Variants in EXOC4 observed in about 807,000 individuals in gnomAD.
EXOC4 encodes the protein exocyst complex component 4, also known as SEC8-like 1.
In EXOC4, 71 loss-of-function variants were observed where a neutral mutation model predicts 107.2. That is an observed-to-expected ratio of 0.66 (90% CI 0.55 to 0.81). EXOC4 has a LOEUF of 0.81. EXOC4 is among the 30% of genes least tolerant of loss of function. The pLI is 0.00. For missense variants in EXOC4, 1,108 were observed against 1,189.6 expected, an observed-to-expected ratio of 0.93 and a Z score of 1.01; for synonymous variants, 456 against 441.2, an observed-to-expected ratio of 1.03 and a Z score of -0.42.
At chr7:133,904,810 C>G (rs1357344394) in intron 12 of EXOC4, among the ~76,000 whole-genome samples, 1 of 152,174 alleles carries the variant, frequency 6.6e-6, no homozygotes, top group African/African-American at 2.4e-5. Flanking sequence ...TCAGCGTATT[C>G]AGGTTTCTGG....
chr7:134,091,238 A>G, the EXOC4 span, among the ~76,000 whole-genome samples: 1 of 152,216 alleles, frequency 6.6e-6, no homozygotes, highest in Non-Finnish European at 1.5e-5. Flanking sequence ...AGCAGCCACA[A>G]GGGCTGCTGG....
chr7:133,669,477 A>G (rs913586839), intron 10 of EXOC4, among the ~76,000 whole-genome samples: 9 of 152,226 alleles, frequency 5.9e-5, no homozygotes, highest in Admixed American at 6.5e-5. Context: ...TGGAATCAGA[A>G]TTTCTGATTT....
At chr7:133,699,993 AT>A (rs1794621835) in intron 10 of EXOC4, among the ~76,000 whole-genome samples, 1 of 152,144 alleles carries the variant, frequency 6.6e-6, no homozygotes, top group Admixed American at 6.5e-5. Context: ...TGTCCCTTAG[AT>A]TTAGTCTGAC....
chr7:133,376,088 C>A (rs1046740845), intron 7 of EXOC4, among the ~76,000 whole-genome samples: 3 of 151,928 alleles, frequency 2.0e-5, no homozygotes, highest in African/African-American at 7.3e-5. Context: ...AAAAGTAAAT[C>A]ATGAATGTAA....
chr7:133,492,392 TTAGA>T (rs1279087010), intron 9 of EXOC4, among the ~76,000 whole-genome samples: 7 of 152,162 alleles, frequency 4.6e-5, no homozygotes, highest in South Asian at 4.1e-4. Flanking sequence ...TTATGGAGTG[TTAGA>T]TAGGGGTAAA....
intron 17 of EXOC4, among the ~76,000 whole-genome samples, chr7:134,042,970 G>A (rs1394361087): frequency 2.0e-5 from 3 of 152,216 alleles, no homozygotes; most frequent in Non-Finnish European, 2.9e-5. Flanking sequence ...GAGCCCGGGA[G>A]GTGGAGGTTG....
intron 14 of EXOC4, among the ~76,000 whole-genome samples, chr7:133,987,181 C>T (rs970703301): frequency 6.6e-6 from 1 of 152,038 alleles, no homozygotes; most frequent in East Asian, 1.9e-4. Context: ...TATTTTGGGG[C>T]TGGGCAAGGT....
intron 13 of EXOC4, among the ~76,000 whole-genome samples, chr7:133,931,554 G>A (rs1037478816): frequency 3.9e-5 from 6 of 152,192 alleles, no homozygotes; most frequent in African/African-American, 2.4e-5. Context: ...TATGCTGCTA[G>A]GAAAGAAAAA....
chr7:133,860,325 T>G (rs1012169392), intron 11 of EXOC4, among the ~76,000 whole-genome samples: 3 of 152,330 alleles, frequency 2.0e-5, no homozygotes, highest in African/African-American at 7.2e-5. Context: ...CGCCTCGTTT[T>G]CCACAGCATT....
intron 1 of EXOC4, among the ~76,000 whole-genome samples, chr7:133,267,202 A>G (rs759518896): frequency 6.2e-4 from 94 of 152,340 alleles, no homozygotes; most frequent in Non-Finnish European, 1.3e-3. Context: ...TCACAATTAA[A>G]TACTGGTTGA....
At chr7:133,423,299 GAGA>G (rs1375353648) in intron 7 of EXOC4, among the ~76,000 whole-genome samples, 1 of 152,122 alleles carries the variant, frequency 6.6e-6, no homozygotes, top group Non-Finnish European at 1.5e-5. Flanking sequence ...GTTTCTTTGT[GAGA>G]ATTCTTCTAG....
intron 9 of EXOC4, among the ~76,000 whole-genome samples, chr7:133,507,698 G>A (rs1799691503): frequency 6.6e-6 from 1 of 152,174 alleles, no homozygotes. Context: ...AGCATGACCA[G>A]TTGACTTTTT....
chr7:134,024,408 G>A (rs757561311), intron 17 of EXOC4, among the ~76,000 whole-genome samples: 17 of 150,918 alleles, frequency 1.1e-4, no homozygotes, highest in South Asian at 4.2e-4. Context: ...CCGAGATCGC[G>A]CCACTGCACT....
chr7:133,412,565 G>A (rs1481570286), intron 7 of EXOC4, among the ~76,000 whole-genome samples: 1 of 151,650 alleles, frequency 6.6e-6, no homozygotes, highest in Non-Finnish European at 1.5e-5. Context: ...ATTCTTTTTA[G>A]CTGTGGTCCC....
chr7:133,924,237 A>G (rs767117594), intron 13 of EXOC4, among the ~76,000 whole-genome samples: 1 of 152,236 alleles, frequency 6.6e-6, no homozygotes, highest in African/African-American at 2.4e-5. Context: ...GTTGCGCTAC[A>G]AGCAGTTTCT....
intron 2 of EXOC4, among the ~76,000 whole-genome samples, chr7:133,283,032 T>G (rs796614953): frequency 3.9e-4 from 59 of 152,324 alleles, no homozygotes; most frequent in African/African-American, 1.4e-3. Flanking sequence ...AATGCCAATA[T>G]TCATCTTTCT....
intron 2 of EXOC4, among the ~76,000 whole-genome samples, chr7:133,277,048 G>A (rs1286895194): frequency 1.3e-5 from 2 of 151,562 alleles, no homozygotes; most frequent in Admixed American, 6.6e-5. Flanking sequence ...TGCAGCCTCC[G>A]CCTCCCGGGT....
chr7:133,544,401 C>CAA (rs1206455749), intron 9 of EXOC4, among the ~76,000 whole-genome samples: 3 of 152,130 alleles, frequency 2.0e-5, no homozygotes, highest in African/African-American at 7.2e-5. Flanking sequence ...TAGTAACTTC[C>CAA]ACCATTTATT....
intron 7 of EXOC4, among the ~76,000 whole-genome samples, chr7:133,448,821 T>G (rs896321065): frequency 2.6e-5 from 4 of 152,136 alleles, no homozygotes; most frequent in Non-Finnish European, 5.9e-5. Context: ...GATGGAAATT[T>G]AGGCCAGGCG....
Sources: gnomAD v4.1 joint callset for allele counts (sites outside exome capture counted in the v4.1 genomes callset) on GRCh38, gnomAD v4.1.1 for gene constraint, MANE v1.5 for transcripts, NCBI Gene and HGNC (gene_info 2026-07-23, HGNC 2026-07-21) for gene names.